Variants in SEPTIN9 observed in about 807,000 individuals in gnomAD.
SEPTIN9 encodes septin-9.
Under a neutral mutation model 56.6 loss-of-function variants are expected in SEPTIN9, and 13 were observed. That is an observed-to-expected ratio of 0.23 (90% CI 0.15 to 0.37). The LOEUF (loss-of-function observed/expected upper bound fraction) is 0.37. Ranked by LOEUF, SEPTIN9 falls within the 10% of genes least tolerant of loss-of-function variation. The pLI is 1.00. For missense variants in SEPTIN9, 650 were observed against 823.1 expected (o/e 0.79, Z 2.57); for synonymous variants, 332 against 334.1 (o/e 0.99, Z 0.07).
chr17:77,392,449 C>A (rs2035574648), intron 2 of SEPTIN9, among the ~76,000 whole-genome samples: 1 of 152,216 alleles, frequency 6.6e-6, no homozygotes. Flanking sequence ...TCTTTTCCTC[C>A]TTGTCCAGAG....
At chr17:77,361,314 C>G (rs2034410546) in intron 2 of SEPTIN9, among the ~76,000 whole-genome samples, 1 of 152,170 alleles carries the variant, frequency 6.6e-6, no homozygotes, top group Admixed American at 6.6e-5. Context: ...AGAGCCTGCC[C>G]TCCTTTTGAA....
intron 2 of SEPTIN9, among the ~76,000 whole-genome samples, chr17:77,395,839 G>A (rs1004329463): frequency 6.6e-6 from 1 of 152,214 alleles, no homozygotes; most frequent in African/African-American, 2.4e-5. Context: ...TTTGACATAT[G>A]GGTTTAGAAA....
At chr17:77,471,651 A>G (rs926659176) in intron 3 of SEPTIN9, among the ~76,000 whole-genome samples, 1 of 152,160 alleles carries the variant, frequency 6.6e-6, no homozygotes, top group African/African-American at 2.4e-5. Context: ...GACATCCCTG[A>G]TAAGAGGAAA....
In SEPTIN9 at chr17:77,356,253, C is replaced by T. The variant is rs113169008; in HGVS notation, c.77-45806C>T. ...CCGCACCGCGAGGCTTCCTAAGCAG[C>T]TCTGGGCACCGTGCACCTGGCATGG... On this transcript the variant is annotated intron_variant, in intron 2 of 11. Coordinates refer to ENST00000427177, the MANE Select transcript of SEPTIN9 (RefSeq NM_001113491.2). Among the ~76,000 whole-genome samples, 721 of 152,312 alleles carry T rather than the reference C, an allele frequency of 4.7e-3. 3 individuals are homozygous for T. Among genetic ancestry groups the T allele is most frequent in the Middle Eastern group, 0.01 (3 of 294 alleles).
intron 3 of SEPTIN9, among the ~76,000 whole-genome samples, chr17:77,412,274 C>G (rs2036332047): frequency 6.6e-6 from 1 of 152,122 alleles, no homozygotes; most frequent in African/African-American, 2.4e-5. Flanking sequence ...GCAGGGAGGT[C>G]CTATGCCCCT....
At chr17:77,300,882 C>T (rs1418977904) in intron 1 of SEPTIN9, among the ~76,000 whole-genome samples, 1 of 108,470 alleles carries the variant, frequency 9.2e-6, no homozygotes, top group East Asian at 2.9e-4. Flanking sequence ...GCTCAAACCG[C>T]CCCCATCCCA....
chr17:77,500,391 T>TGGGGGGGGG lies in SEPTIN9; in HGVS notation c.*1738_*1739insGGGGGGGGG. 1.9e-5 allele frequency: 3 copies of TGGGGGGGGG among 158,902 alleles called. No individual in the cohort carries two copies. Among genetic ancestry groups the TGGGGGGGGG allele is most frequent in the Non-Finnish European group, 2.7e-5 (2 of 75,056 alleles). The allele number at this position is 158,902 out of a possible 1,614,324, so 9.8% of individuals were successfully genotyped here. A position where few individuals can be genotyped will look rare whatever the true frequency, so the allele number is the denominator to read the frequency against. On this transcript the variant is annotated 3_prime_UTR_variant, in exon 12 of 12. Coordinates refer to ENST00000427177, the MANE Select transcript of SEPTIN9 (RefSeq NM_001113491.2). ...AATGTCACTTGGTGGCGGGGTGGGG[T>TGGGGGGGGG]GGGGGTGGGCAGCAGCATCCCAGCC...
At chr17:77,491,531 G>A (rs2040026533) in intron 8 of SEPTIN9, among the ~76,000 whole-genome samples, 2 of 151,324 alleles carry the variant, frequency 1.3e-5, no homozygotes, top group South Asian at 2.1e-4. Flanking sequence ...AGAGAAGCTG[G>A]GCCAGGTGTG....
Position 77,435,780 on chromosome 17 carries a change from C to T in SEPTIN9, c.721+33077C>T, listed in dbSNP as rs540930087. Reference sequence around the variant, plus strand: ...AGCCACCTGAGGGAGGTCAGCATGTCGCCTTCATCCCAGGACAGTGTGAAT... The same window carrying T: ...AGCCACCTGAGGGAGGTCAGCATGTTGCCTTCATCCCAGGACAGTGTGAAT... On this transcript the variant is annotated intron_variant, in intron 3 of 11. Coordinates refer to ENST00000427177, the MANE Select transcript of SEPTIN9 (RefSeq NM_001113491.2). This position sits in a 1 kb window ranked among gnomAD's most constrained non-coding sequence, Gnocchi z 4.5. Among the ~76,000 whole-genome samples, 2 of 152,346 alleles carry T rather than the reference C, an allele frequency of 1.3e-5. No homozygotes were observed. Among genetic ancestry groups the T allele is most frequent in the Admixed American group, 6.5e-5 (1 of 15,312 alleles).
intron 3 of SEPTIN9, among the ~76,000 whole-genome samples, chr17:77,406,784 C>T (rs181452035): frequency 8.9e-4 from 135 of 152,218 alleles, no homozygotes; most frequent in African/African-American, 3.1e-3. Flanking sequence ...GATTCTTCTG[C>T]CTCAGCCTCC....
rs1380578835 is a variant in SEPTIN9, at chr17:77,318,181, C to T, written c.76+10984C>T. Reference sequence around the variant, plus strand: ...TCCCAGGTGCCAAAAAGGTTGGGGGCCACTGCCTTCATCGCCTGCCCCTTT... The same window carrying T: ...TCCCAGGTGCCAAAAAGGTTGGGGGTCACTGCCTTCATCGCCTGCCCCTTT... On this transcript the variant is annotated intron_variant, in intron 2 of 11. Transcript: ENST00000427177. The surrounding 1 kb of genome is among the most constrained non-coding windows in gnomAD (Gnocchi z 4.9). Among the ~76,000 whole-genome samples, 1 of 152,126 alleles carries T rather than the reference C, an allele frequency of 6.6e-6. No homozygotes were observed. Among genetic ancestry groups the T allele is most frequent in the African/African-American group, 2.4e-5 (1 of 41,412 alleles).
At chr17:77,341,364 A>C (rs745870173) in intron 2 of SEPTIN9, among the ~76,000 whole-genome samples, 4 of 152,190 alleles carry the variant, frequency 2.6e-5, no homozygotes, top group Non-Finnish European at 4.4e-5. Context: ...AGGGAGAGAG[A>C]GCGGGGAACA....
At chr17:77,285,300 G>A (rs1490096970) in intron 1 of SEPTIN9, among the ~76,000 whole-genome samples, 2 of 152,208 alleles carry the variant, frequency 1.3e-5, no homozygotes, top group Non-Finnish European at 2.9e-5. Flanking sequence ...GGGTGGCAGC[G>A]GCAGGAGGAC....
At position 77,339,824 on chromosome 17, in the gene SEPTIN9, T is replaced by TTG. The variant is rs1555648855; in HGVS notation, c.76+32628_76+32629insGT. ...TGCACCGGGCCCTATTTGTTTTTTT[T>TTG]TTGTTGTTGTTTTTTAATTGAGACA... On this transcript the variant is annotated intron_variant, in intron 2 of 11. Transcript: ENST00000427177. Among the ~76,000 whole-genome samples, 64 of 151,542 alleles carry TTG rather than the reference T, an allele frequency of 4.2e-4. 1 individual carries two copies. Among genetic ancestry groups the TTG allele is most frequent in the Middle Eastern group, 3.4e-3 (1 of 292 alleles).
intron 2 of SEPTIN9, among the ~76,000 whole-genome samples, chr17:77,388,673 A>C (rs890665421): frequency 6.6e-6 from 1 of 152,090 alleles, no homozygotes; most frequent in Non-Finnish European, 1.5e-5. Flanking sequence ...CCCTGGGGTC[A>C]CCGTCCCCTG....
intron 2 of SEPTIN9, among the ~76,000 whole-genome samples, chr17:77,373,002 G>C (rs933325472): frequency 3.9e-5 from 6 of 152,128 alleles, no homozygotes; most frequent in African/African-American, 1.2e-4. Flanking sequence ...CTTCCCCTCT[G>C]GGCGCCCGCC....
intron 2 of SEPTIN9, among the ~76,000 whole-genome samples, chr17:77,311,021 G>A (rs955128477): frequency 3.3e-5 from 5 of 152,106 alleles, no homozygotes; most frequent in Non-Finnish European, 5.9e-5. Context: ...TTGGAGATGG[G>A]GTCTTTGCAG....
At position 77,490,665 on chromosome 17, in the gene SEPTIN9, G is replaced by A. The variant is rs1183523964; in HGVS notation, c.1263-77G>A. 2.4e-5 allele frequency: 28 copies of A among 1,154,304 alleles called. 1 individual carries two copies. The highest frequency in any genetic ancestry group is 2.1e-4 in the East Asian group (8 of 39,000). The allele number at this position is 1,154,304 out of a possible 1,614,324, so 71.5% of individuals were successfully genotyped here. ...CCCCGAGCCAGCACCTGAGAGTGTC[G>A]ACACCTGCTTGGGGGTGGGTGCCCC... On this transcript the variant is annotated intron_variant, in intron 7 of 11. Coordinates refer to ENST00000427177, the MANE Select transcript of SEPTIN9 (RefSeq NM_001113491.2).
At chr17:77,351,089 G>A (rs2034047842) in intron 2 of SEPTIN9, among the ~76,000 whole-genome samples, 1 of 151,670 alleles carries the variant, frequency 6.6e-6, no homozygotes, top group Non-Finnish European at 1.5e-5. Context: ...TGCTGTGTAT[G>A]CACTTGCACA....
Sources: allele counts gnomAD v4.1 joint callset (sites outside exome capture counted in the v4.1 genomes callset), GRCh38; gene constraint gnomAD v4.1.1; non-coding constraint Gnocchi (gnomAD v3.1); transcripts MANE v1.5; gene names NCBI Gene and HGNC (gene_info 2026-07-23, HGNC 2026-07-21).